LTBP1: variants seen among roughly 807,000 people sequenced by gnomAD.
LTBP1 encodes the protein latent transforming growth factor beta binding protein 1.
A neutral mutation model predicts 207.6 loss-of-function variants in LTBP1; 129 were observed. The ratio of observed to expected loss-of-function variants is 0.62; its 90% CI spans 0.54 to 0.72. The LOEUF (loss-of-function observed/expected upper bound fraction) is 0.72, where lower values mean the gene tolerates loss of function less well. LTBP1 is among the 30% of genes least tolerant of loss of function. The probability of loss-of-function intolerance (pLI) is 0.00; values close to 1 mark genes in which losing one functional copy is unlikely to be tolerated. For missense variants in LTBP1, 2,281 were observed against 2,217.2 expected (o/e 1.03, Z -0.58); for synonymous variants, 963 against 833.7 (o/e 1.16, Z -2.67).
At chr2:33,251,552 C>T (rs1276303821) in intron 10 of LTBP1, among the ~76,000 whole-genome samples, 2 of 151,754 alleles carry the variant, frequency 1.3e-5, no homozygotes, top group African/African-American at 4.8e-5. Context: ...GTAGTCCCAC[C>T]TACTCAGGAG....
At chr2:33,051,259 A>G (rs1200289812) in intron 3 of LTBP1, among the ~76,000 whole-genome samples, 2 of 152,138 alleles carry the variant, frequency 1.3e-5, no homozygotes, top group African/African-American at 4.8e-5. Context: ...TCTACAAAAA[A>G]TACAAAAATT....
chr2:33,352,979 T>C (rs1156927194), intron 26 of LTBP1, among the ~76,000 whole-genome samples: 1 of 139,408 alleles, frequency 7.2e-6, no homozygotes, highest in African/African-American at 2.7e-5. Context: ...TCTTTTTTTT[T>C]TTTTTTTTTT....
At chr2:33,079,367 C>G (rs1307578289) in intron 3 of LTBP1, among the ~76,000 whole-genome samples, 1 of 152,082 alleles carries the variant, frequency 6.6e-6, no homozygotes, top group Non-Finnish European at 1.5e-5. Context: ...CTGGATGTTT[C>G]CAGCTGTATT....
chr2:33,304,491 GCCT>G (rs200286374), intron 22 of LTBP1, among the ~76,000 whole-genome samples: 2,288 of 152,224 alleles, frequency 0.015, 61 homozygotes, highest in African/African-American at 0.052. Flanking sequence ...CATCCTGCTG[GCCT>G]CCTCGTAGAG....
chr2:33,151,378 A>G (rs2083507393), intron 5 of LTBP1, among the ~76,000 whole-genome samples: 1 of 152,072 alleles, frequency 6.6e-6, no homozygotes, highest in Admixed American at 6.5e-5. Flanking sequence ...GCAGTGTGTG[A>G]GGGTTCCATT....
In LTBP1 at chr2:33,103,436, A is replaced by G. The variant is rs150044609; in HGVS notation, c.864-7146A>G. 8.1e-3 allele frequency among the ~76,000 whole-genome samples: 1,230 copies of G among 152,154 alleles called. 11 individuals carry two copies. The highest frequency in any genetic ancestry group is 0.01 in the Non-Finnish European group (703 of 68,012). On this transcript the variant is annotated intron_variant, in intron 3 of 33. Coordinates refer to ENST00000404816, the MANE Select transcript of LTBP1 (RefSeq NM_206943.4). ...GCATAGTTTGTATGCTGTATGCACC[A>G]TGTGTGTAGTCTGTATGCTGTTTGC...
At chr2:33,347,868 G>A (rs557239217) in intron 26 of LTBP1, among the ~76,000 whole-genome samples, 24 of 152,198 alleles carry the variant, frequency 1.6e-4, no homozygotes, top group African/African-American at 4.3e-4. Context: ...TCCTCCATAC[G>A]TTCTTGGCCC....
intron 4 of LTBP1, among the ~76,000 whole-genome samples, chr2:33,132,341 G>A (rs992578711): frequency 6.6e-6 from 1 of 152,054 alleles, no homozygotes; most frequent in Non-Finnish European, 1.5e-5. Context: ...GAATTTCTAA[G>A]GTAGACTCCC....
At chr2:33,344,295 A>G (rs1215943990) in intron 25 of LTBP1, among the ~76,000 whole-genome samples, 11 of 152,208 alleles carry the variant, frequency 7.2e-5, no homozygotes, top group East Asian at 1.9e-4. Flanking sequence ...TCTTAGTTCA[A>G]ACTCCTGCTT....
chr2:33,397,395 A>G, intron 33 of LTBP1, 113 bp downstream of exon 33: 1 of 1,201,418 alleles, frequency 8.3e-7, no homozygotes. Flanking sequence ...GAAGATGAGA[A>G]AAGTTCTGGA....
intron 7 of LTBP1, among the ~76,000 whole-genome samples, chr2:33,191,947 C>T (rs1234245627): frequency 6.6e-6 from 1 of 152,066 alleles, no homozygotes; most frequent in African/African-American, 2.4e-5. Flanking sequence ...GGATTGAACA[C>T]CAAGATGAAC....
At position 33,177,781 on chromosome 2, in the gene LTBP1, G is replaced by A. The variant is rs574502267; in HGVS notation, c.1202-9075G>A. Among the ~76,000 whole-genome samples the A allele has an allele frequency of 4.1e-4, 63 of 152,318 alleles. 1 individual carries two copies. The highest frequency in any genetic ancestry group is 3.5e-3 in the Admixed American group (53 of 15,304). On this transcript the variant is annotated intron_variant, in intron 5 of 33. Transcript: ENST00000404816. ...ATAGCTACTAAAATCAATCATTAAG[G>A]CTCTGTAGCAATACATGGTGCATAC... is the stretch of plus-strand genomic sequence containing the variant.
intron 31 of LTBP1, among the ~76,000 whole-genome samples, chr2:33,369,106 A>G (rs1192560263): frequency 6.6e-6 from 1 of 152,168 alleles, no homozygotes; most frequent in Non-Finnish European, 1.5e-5. Context: ...TTTAAAAAGT[A>G]GATTAGAACA....
At chr2:33,111,922 T>C (rs893694340) in intron 4 of LTBP1, among the ~76,000 whole-genome samples, 28 of 152,236 alleles carry the variant, frequency 1.8e-4, no homozygotes, top group Admixed American at 1.6e-3. Context: ...TGCATCTATT[T>C]GATTCTTAAA....
At chr2:33,141,626 C>T (rs992875958) in intron 5 of LTBP1, among the ~76,000 whole-genome samples, 1 of 152,036 alleles carries the variant, frequency 6.6e-6, no homozygotes, top group Non-Finnish European at 1.5e-5. Flanking sequence ...GGCGTGGTTG[C>T]TATTTTAGAG....
chr2:33,201,442 C>T (rs941296666), intron 7 of LTBP1, among the ~76,000 whole-genome samples: 5 of 139,302 alleles, frequency 3.6e-5, no homozygotes, highest in Non-Finnish European at 6.0e-5. Flanking sequence ...AACACATGGA[C>T]ACAGGAAGGG....
chr2:32,989,640 C>T (rs182411147), intron 2 of LTBP1, among the ~76,000 whole-genome samples: 200 of 152,296 alleles, frequency 1.3e-3, no homozygotes, highest in African/African-American at 4.6e-3. Flanking sequence ...TCCCTTTCTC[C>T]TTTCAGTGCA....
At chr2:33,090,489 G>C (rs925971790) in intron 3 of LTBP1, among the ~76,000 whole-genome samples, 7 of 152,176 alleles carry the variant, frequency 4.6e-5, no homozygotes, top group African/African-American at 1.4e-4. Context: ...TGAATGCCGA[G>C]TGTGTGTTGG....
rs114000722 is a variant in LTBP1, at chr2:32,971,679, G to T, written c.565+22734G>T. ...TGGTAGATTAAATTTTTGATGTGCT[G>T]CTGGATTTAGTTTGCTAGTATTTTG... On this transcript the variant is annotated intron_variant, in intron 2 of 33. Transcript: ENST00000404816. Among the ~76,000 whole-genome samples, 451 of 152,246 alleles carry T rather than the reference G, an allele frequency of 3.0e-3. 5 individuals are homozygous for T. The highest frequency in any genetic ancestry group is 0.01 in the African/African-American group (433 of 41,552).
Sources: allele counts gnomAD v4.1 joint callset (sites outside exome capture counted in the v4.1 genomes callset), GRCh38; gene constraint gnomAD v4.1.1; transcripts MANE v1.5; gene names NCBI Gene and HGNC (gene_info 2026-07-23, HGNC 2026-07-21).